The following PLD1 variants were observed in gnomAD, a reference collection of about 807,000 sequenced individuals.
The protein encoded by PLD1 is phospholipase D1.
In PLD1, 112 loss-of-function variants were observed where a neutral mutation model predicts 137.1. The ratio of observed to expected loss-of-function variants is 0.82; its 90% CI spans 0.70 to 0.96. The LOEUF is 0.96. Ranked by LOEUF, PLD1 falls within the 40% of genes least tolerant of loss-of-function variation. PLD1 has a pLI of 0.00. For synonymous variants in PLD1, 431 were observed against 454.7 expected (o/e 0.95, Z 0.66); for missense variants, 1,321 against 1,342.0 (o/e 0.98, Z 0.24).
chr3:171,740,713 C>T (rs1034320332), intron 1 of PLD1, among the ~76,000 whole-genome samples: 4 of 152,148 alleles, frequency 2.6e-5, no homozygotes, highest in African/African-American at 9.7e-5. Context: ...AGCATATTCA[C>T]TTATGAAAAA....
chr3:171,654,842 AT>A (rs1737058771), intron 21 of PLD1, among the ~76,000 whole-genome samples: 2 of 152,020 alleles, frequency 1.3e-5, no homozygotes, highest in South Asian at 4.1e-4. Flanking sequence ...TGAGGTCAGC[AT>A]GGGGTAAACA....
Position 171,764,871 on chromosome 3 carries a change from GAAAGAAAGAAAGAA to G in PLD1, c.-31-26803_-31-26790del, listed in dbSNP as rs1409736913. Among the ~76,000 whole-genome samples the G allele has an allele frequency of 4.2e-3, 145 of 34,434 alleles. 21 individuals carry two copies. Among genetic ancestry groups the G allele is most frequent in the Middle Eastern group, 0.024 (1 of 42 alleles). 22.6% of individuals were successfully genotyped at this position (34,434 alleles called of 152,430 possible). On this transcript the variant is annotated intron_variant, in intron 1 of 26. Coordinates refer to ENST00000351298, the MANE Select transcript of PLD1 (RefSeq NM_002662.5). ...AGAAAGAAAGAAAGAAAGAAAGAAA[GAAAGAAAGAAAGAA>G]AGAAAGAAAGGAAGGAAGGAAGGAA...
intron 21 of PLD1, among the ~76,000 whole-genome samples, chr3:171,657,038 A>C (rs1737268480): frequency 6.6e-6 from 1 of 152,200 alleles, no homozygotes; most frequent in Non-Finnish European, 1.5e-5. Flanking sequence ...GTGTGAGGGG[A>C]AGCATTGGGT....
chr3:171,628,822 T>C (rs1380483849), intron 23 of PLD1, among the ~76,000 whole-genome samples: 3 of 152,200 alleles, frequency 2.0e-5, no homozygotes, highest in Non-Finnish European at 4.4e-5. Flanking sequence ...CTCTTCTTGC[T>C]AAAAACTCTC....
At chr3:171,746,745 A>T (rs1352287438) in intron 1 of PLD1, among the ~76,000 whole-genome samples, 1 of 151,278 alleles carries the variant, frequency 6.6e-6, no homozygotes, top group Non-Finnish European at 1.5e-5. Context: ...AAATGGACCA[A>T]TCAGTTCTCT....
intron 16 of PLD1, among the ~76,000 whole-genome samples, chr3:171,679,758 TA>T (rs1713765521): frequency 6.6e-6 from 1 of 152,208 alleles, no homozygotes; most frequent in Non-Finnish European, 1.5e-5. Flanking sequence ...AGCCATGGCC[TA>T]AAAACTATTC....
At chr3:171,756,705 G>C (rs975613214) in intron 1 of PLD1, among the ~76,000 whole-genome samples, 1 of 152,188 alleles carries the variant, frequency 6.6e-6, no homozygotes, top group African/African-American at 2.4e-5. Context: ...GTTAGTAGCT[G>C]TTAAAAAGTC....
intron 24 of PLD1, among the ~76,000 whole-genome samples, chr3:171,619,079 G>A (rs138667500): frequency 6.6e-6 from 1 of 152,146 alleles, no homozygotes; most frequent in African/African-American, 2.4e-5. Context: ...TTGAATAATA[G>A]GAAAGTATCT....
intron 23 of PLD1, among the ~76,000 whole-genome samples, chr3:171,636,638 C>T (rs561391961): frequency 6.6e-6 from 1 of 152,040 alleles, no homozygotes; most frequent in Non-Finnish European, 1.5e-5. Flanking sequence ...CACTGCTAGA[C>T]TAATTTATTA....
intron 23 of PLD1, among the ~76,000 whole-genome samples, chr3:171,642,457 CAAAA>C (rs1230947984): frequency 9.1e-5 from 3 of 33,024 alleles, no homozygotes; most frequent in African/African-American, 2.4e-4. Context: ...AACCCAGTCT[CAAAA>C]AAAAAAAAAA....
At chr3:171,634,408 C>A (rs955343398) in intron 23 of PLD1, among the ~76,000 whole-genome samples, 1 of 152,056 alleles carries the variant, frequency 6.6e-6, no homozygotes, top group Non-Finnish European at 1.5e-5. Flanking sequence ...ATGATTTTCC[C>A]GATTTTATTT....
chr3:171,732,454 C>G (rs956930916), intron 6 of PLD1, among the ~76,000 whole-genome samples: 1 of 152,150 alleles, frequency 6.6e-6, no homozygotes, highest in African/African-American at 2.4e-5. Context: ...AATGGGACAG[C>G]TGGATGTATA....
intron 1 of PLD1, among the ~76,000 whole-genome samples, chr3:171,773,001 GA>G (rs1268781208): frequency 1.3e-5 from 2 of 152,138 alleles, no homozygotes; most frequent in African/African-American, 2.4e-5. Flanking sequence ...CACAATCTTT[GA>G]AATGGAAGAA....
chr3:171,663,909 TAAA>T (rs1560193485), intron 19 of PLD1, among the ~76,000 whole-genome samples: 1 of 152,160 alleles, frequency 6.6e-6, no homozygotes, highest in African/African-American at 2.4e-5. Context: ...CTGCTGTATA[TAAA>T]AGGCCTGGAA....
Position 171,692,561 on chromosome 3 carries a change from C to G in PLD1, c.1228-119G>C, listed in dbSNP as rs187459915. On this transcript the variant is annotated intron_variant, in intron 12 of 26. Transcript: ENST00000351298. Reference sequence around the variant, plus strand: ...TTTTTTTCAGAGTCTCACTCTGTCACCCAGCCTGGAGTGCAGTGGCGCAAT... The same window carrying G: ...TTTTTTTCAGAGTCTCACTCTGTCAGCCAGCCTGGAGTGCAGTGGCGCAAT... 1.3e-3 allele frequency: 817 copies of G among 617,382 alleles called. 1 individual carries two copies. Among genetic ancestry groups the G allele is most frequent in the Non-Finnish European group, 2.1e-3 (723 of 345,946 alleles). The allele number at this position is 617,382 out of a possible 1,614,324, so 38.2% of individuals were successfully genotyped here. A position where few individuals can be genotyped will look rare whatever the true frequency, so the allele number is the denominator to read the frequency against.
At position 171,713,912 on chromosome 3, in the gene PLD1, G is replaced by A. The variant is rs373694099; in HGVS notation, c.892C>T (p.Arg298Ter). 91 of 1,612,012 alleles carry A rather than the reference G, an allele frequency of 5.6e-5. No individual in the cohort carries two copies. The highest frequency in any genetic ancestry group is 7.2e-5 in the Non-Finnish European group (85 of 1,178,624). ...KKETETKYGI[R>*]IDNLSRTLIL... is the part of the protein sequence containing the mutation. ...GTGTACCTTGAAAGATTATCAATTC[G>A]GATTCCATATTTCGTTTCTGTCTCC... The change falls in exon 9 of 27, where the codon CGA becomes TGA. Residue 298 changes from arginine (R) to a stop codon, truncating the protein, a stop_gained. Coordinates refer to ENST00000351298, the MANE Select transcript of PLD1 (RefSeq NM_002662.5). LOFTEE classifies it high-confidence loss of function.
At chr3:171,678,680 T>C (rs1247654497) in intron 16 of PLD1, among the ~76,000 whole-genome samples, 2 of 152,240 alleles carry the variant, frequency 1.3e-5, no homozygotes, top group African/African-American at 4.8e-5. Flanking sequence ...GAACTGTCTT[T>C]GTAAAATGCA....
chr3:171,738,092 A>C lies in PLD1; in HGVS notation c.-31-10T>G. On this transcript the variant is annotated splice_polypyrimidine_tract_variant and intron_variant, in intron 1 of 26. Transcript: ENST00000351298. ...AGTAAAAGCAAAGGGGCTAGGAAAG[A>C]AGAAAACGGTTACAAAGACTTAGCA... 6.6e-7 allele frequency: 1 copy of C among 1,519,814 alleles called. No individual in the cohort carries two copies. Among genetic ancestry groups the C allele is most frequent in the Non-Finnish European group, 9.0e-7 (1 of 1,115,878 alleles). The allele number at this position is 1,519,814 out of a possible 1,614,324, so 94.1% of individuals were successfully genotyped here.
chr3:171,707,425 A>G (rs1043282648), intron 11 of PLD1, among the ~76,000 whole-genome samples: 3 of 152,258 alleles, frequency 2.0e-5, no homozygotes, highest in East Asian at 1.9e-4. Context: ...TAAAGAATAT[A>G]GTACTCACTG....
Sources: gnomAD v4.1 joint callset for allele counts (sites outside exome capture counted in the v4.1 genomes callset) on GRCh38, gnomAD v4.1.1 for gene constraint, MANE v1.5 for transcripts, NCBI Gene and HGNC (gene_info 2026-07-23, HGNC 2026-07-21) for gene names.